MKLN1: variants seen among roughly 807,000 people sequenced by gnomAD.
The protein encoded by MKLN1 is muskelin.
MKLN1 carries 18 observed loss-of-function variants against 99.0 expected under a neutral mutation model. The observed-to-expected ratio is 0.18, with a 90% CI of 0.13 to 0.27. MKLN1 has a LOEUF of 0.27. Ranked by LOEUF, MKLN1 falls within the 10% of genes least tolerant of loss-of-function variation. MKLN1 has a pLI of 1.00. For synonymous variants in MKLN1, 288 were observed against 293.2 expected (o/e 0.98, Z 0.18); for missense variants, 621 against 875.9 (o/e 0.71, Z 3.67).
intron 2 of MKLN1, among the ~76,000 whole-genome samples, chr7:131,158,551 C>T (rs868459900): frequency 6.6e-6 from 1 of 152,202 alleles, no homozygotes; most frequent in Admixed American, 6.5e-5. Context: ...GGTTAAAAGT[C>T]TAAAGGTGAC....
chr7:131,266,828 T>C (rs1014166186), intron 3 of MKLN1, among the ~76,000 whole-genome samples: 2 of 151,888 alleles, frequency 1.3e-5, no homozygotes, highest in Non-Finnish European at 2.9e-5. Flanking sequence ...TGCAAGTTTA[T>C]GGAAACTTAG....
At chr7:131,465,230 T>C (rs895797696) in intron 14 of MKLN1, among the ~76,000 whole-genome samples, 1 of 152,100 alleles carries the variant, frequency 6.6e-6, no homozygotes, top group African/African-American at 2.4e-5. Context: ...TATACACTAA[T>C]TGTAATTAAA....
At chr7:131,124,922 C>A (rs1260751939) in intron 1 of MKLN1, among the ~76,000 whole-genome samples, 2 of 152,202 alleles carry the variant, frequency 1.3e-5, no homozygotes, top group African/African-American at 4.8e-5. Flanking sequence ...GTATTAACAG[C>A]TTCCTGAACT....
chr7:131,476,694 AGTTTGGT>A (rs1422986604), intron 16 of MKLN1, among the ~76,000 whole-genome samples: 1 of 152,192 alleles, frequency 6.6e-6, no homozygotes, highest in Non-Finnish European at 1.5e-5. Context: ...ATGCAGTGTA[AGTTTGGT>A]CTTTGTTGTT....
intron 1 of MKLN1, among the ~76,000 whole-genome samples, chr7:131,136,701 T>G (rs1276552874): frequency 6.6e-6 from 1 of 152,202 alleles, no homozygotes; most frequent in Non-Finnish European, 1.5e-5. Flanking sequence ...ACTGAACAAC[T>G]CCCGTTGCAC....
intron 3 of MKLN1, among the ~76,000 whole-genome samples, chr7:131,246,641 G>A (rs566948446): frequency 5.0e-4 from 72 of 143,500 alleles, no homozygotes; most frequent in African/African-American, 1.8e-3. Context: ...AGTGATTTTA[G>A]TCTTTTTTTT....
At position 131,267,944 on chromosome 7, in the gene MKLN1, C is replaced by T. The variant is rs998995838; in HGVS notation, c.-179+64970C>T. ...TTTTATAATAATTTAAAAAATATTACGTACCTCTAAACACAAAGTTTCTTA... is the reference window on the plus strand; with the variant it reads ...TTTTATAATAATTTAAAAAATATTATGTACCTCTAAACACAAAGTTTCTTA... On this transcript the variant is annotated intron_variant, in intron 3 of 7. Coordinates refer to the MKLN1 transcript ENST00000416992. Among the ~76,000 whole-genome samples the T allele has an allele frequency of 4.6e-5, 7 of 152,152 alleles. No individual in the cohort carries two copies. The East Asian group carries it at 5.8e-4, about 13-fold the overall frequency.
intron 4 of MKLN1, among the ~76,000 whole-genome samples, chr7:131,389,914 C>T (rs546170040): frequency 3.8e-4 from 58 of 151,502 alleles, no homozygotes; most frequent in Non-Finnish European, 8.1e-4. Context: ...AAAAAAAATA[C>T]TTCTAATTTA....
At chr7:131,208,850 C>A (rs923663059) in intron 3 of MKLN1, among the ~76,000 whole-genome samples, 3 of 152,012 alleles carry the variant, frequency 2.0e-5, no homozygotes, top group Non-Finnish European at 4.4e-5. Context: ...CTTTTCATTA[C>A]GTGATACATA....
rs966352185 is a variant in MKLN1 at position 131,117,079 on chromosome 7, G to A, written c.-419+6872G>A. On this transcript the variant is annotated intron_variant, in intron 1 of 7. Transcript: ENST00000416992. Reference sequence around the variant, plus strand: ...AGGACCTTTTCTAGGACTGAAGCACGATTTATAGTAGTAGTTAAAGACTGA... The same window carrying A: ...AGGACCTTTTCTAGGACTGAAGCACAATTTATAGTAGTAGTTAAAGACTGA... 5.3e-5 allele frequency among the ~76,000 whole-genome samples: 8 copies of A among 152,180 alleles called. No individual in the cohort carries two copies. The East Asian group carries it at 5.8e-4, about 11-fold the overall frequency.
chr7:131,303,492 T>C (rs1430206629), intron 3 of MKLN1, among the ~76,000 whole-genome samples: 1 of 152,244 alleles, frequency 6.6e-6, no homozygotes, highest in Non-Finnish European at 1.5e-5. Context: ...TTTGGCAAGG[T>C]TATGCTTGAA....
intron 2 of MKLN1, among the ~76,000 whole-genome samples, chr7:131,193,388 C>T (rs28517313): frequency 0.12 from 17,738 of 151,928 alleles, 1,144 homozygotes; most frequent in African/African-American, 0.15. Context: ...TTTTTTGAGA[C>T]GGAGTCTCAC....
chr7:131,275,567 ATTTTTTTTT>A (rs869119196), intron 3 of MKLN1, among the ~76,000 whole-genome samples: 39 of 5,608 alleles, frequency 7.0e-3, no homozygotes, highest in South Asian at 0.025. Context: ...ATATATATAT[ATTTTTTTTT>A]TTTTTTTTTT....
chr7:131,424,647 T>TACC (rs1210992213), intron 8 of MKLN1, among the ~76,000 whole-genome samples: 1 of 152,224 alleles, frequency 6.6e-6, no homozygotes, highest in Non-Finnish European at 1.5e-5. Flanking sequence ...TTTATACTGG[T>TACC]ACCAAATTGG....
intron 10 of MKLN1, among the ~76,000 whole-genome samples, chr7:131,440,980 G>C (rs1010514048): frequency 6.6e-6 from 1 of 152,156 alleles, no homozygotes; most frequent in African/African-American, 2.4e-5. Context: ...AATGAGACTG[G>C]TATCAGATTT....
intron 9 of MKLN1, among the ~76,000 whole-genome samples, chr7:131,432,274 A>G (rs1795546653): frequency 6.6e-6 from 1 of 152,204 alleles, no homozygotes; most frequent in African/African-American, 2.4e-5. Context: ...GTTTAAAGGT[A>G]ATATTAAATG....
At chr7:131,423,095 T>C (rs879588921) in intron 8 of MKLN1, among the ~76,000 whole-genome samples, 49 of 152,328 alleles carry the variant, frequency 3.2e-4, no homozygotes, top group Admixed American at 1.7e-3. Context: ...ATTTCCATTG[T>C]GTTAGGCTGT....
chr7:131,492,931 T>C lies in MKLN1; in HGVS notation c.*5203T>C, dbSNP rs1797463809. 1 of 152,148 alleles carries C rather than the reference T, an allele frequency of 6.6e-6. No homozygotes were observed. The highest frequency in any genetic ancestry group is 2.4e-5 in the African/African-American group (1 of 41,432). 9.4% of individuals were successfully genotyped at this position (152,148 alleles called of 1,614,324 possible). On this transcript the variant is annotated 3_prime_UTR_variant, in exon 18 of 18. Transcript: ENST00000352689. The stretch of plus-strand genomic sequence containing the variant: ...ATCGGGGAAATTATCACTGTCTTTT[T>C]GGCTAAAGTTTTATATTGTGAACTG...
intron 3 of MKLN1, among the ~76,000 whole-genome samples, chr7:131,316,015 G>A (rs1798662255): frequency 6.6e-6 from 1 of 152,154 alleles, no homozygotes; most frequent in Non-Finnish European, 1.5e-5. Context: ...CCTGCCTGCT[G>A]GCTCTGAAGA....
Sources: gnomAD v4.1 joint callset for allele counts (sites outside exome capture counted in the v4.1 genomes callset) on GRCh38, gnomAD v4.1.1 for gene constraint, MANE v1.5 for transcripts, NCBI Gene and HGNC (gene_info 2026-07-23, HGNC 2026-07-21) for gene names.